Variants in WDPCP observed in about 807,000 individuals in gnomAD.
WDPCP encodes the protein WD repeat containing planar cell polarity effector.
A neutral mutation model predicts 93.1 loss-of-function variants in WDPCP; 71 were observed. The observed-to-expected ratio is 0.76, with a 90% confidence interval of 0.63 to 0.93. WDPCP has a LOEUF of 0.93. Ranked by LOEUF, WDPCP falls within the 40% of genes least tolerant of loss-of-function variation. WDPCP has a pLI of 0.00. For missense variants in WDPCP, 844 were observed against 887.4 expected (o/e 0.95, Z 0.62); for synonymous variants, 315 against 315.0 (o/e 1.00, Z 0.00).
intron 1 of WDPCP, among the ~76,000 whole-genome samples, chr2:63,550,119 A>G (rs1182331656): frequency 6.6e-6 from 1 of 151,434 alleles, no homozygotes; most frequent in Non-Finnish European, 1.5e-5. Context: ...GGCTTCTCCT[A>G]TGTTCTCATG....
At chr2:63,128,178 A>T (rs1670049775) in intron 17 of WDPCP, among the ~76,000 whole-genome samples, 1 of 152,142 alleles carries the variant, frequency 6.6e-6, no homozygotes, top group African/African-American at 2.4e-5. Flanking sequence ...TCTTTCAGAC[A>T]GTATGCCAAT....
intron 1 of WDPCP, among the ~76,000 whole-genome samples, chr2:63,534,435 G>C (rs1277056962): frequency 6.6e-6 from 1 of 151,970 alleles, no homozygotes; most frequent in Non-Finnish European, 1.5e-5. Flanking sequence ...CAATATCCCT[G>C]ATGAACATCA....
At chr2:63,666,326 A>G (rs763449161) in intron 2 of WDPCP, among the ~76,000 whole-genome samples, 2 of 152,108 alleles carry the variant, frequency 1.3e-5, no homozygotes, top group Non-Finnish European at 2.9e-5. Flanking sequence ...AGCAGGAAGG[A>G]GTTAGGATTT....
At chr2:63,784,249 A>G (rs1670437942) in intron 2 of WDPCP, among the ~76,000 whole-genome samples, 1 of 152,140 alleles carries the variant, frequency 6.6e-6, no homozygotes, top group Non-Finnish European at 1.5e-5. Flanking sequence ...TATCATCAAG[A>G]AGGTCCCAGG....
chr2:63,398,603 A>G (rs1169643512), intron 10 of WDPCP, among the ~76,000 whole-genome samples: 1 of 152,198 alleles, frequency 6.6e-6, no homozygotes, highest in Non-Finnish European at 1.5e-5. Flanking sequence ...CTAATCTAAG[A>G]GTCTAACTCC....
chr2:63,160,209 C>A (rs538140492), intron 15 of WDPCP, among the ~76,000 whole-genome samples: 1 of 152,244 alleles, frequency 6.6e-6, no homozygotes, highest in East Asian at 1.9e-4. Context: ...CTCCATCTTA[C>A]CAGGAACCAG....
intron 1 of WDPCP, among the ~76,000 whole-genome samples, chr2:63,576,878 T>G (rs542271116): frequency 6.6e-5 from 10 of 152,338 alleles, no homozygotes; most frequent in South Asian, 4.1e-4. Flanking sequence ...ATAAATGATA[T>G]ATAAATATCC....
intron 2 of WDPCP, among the ~76,000 whole-genome samples, chr2:63,787,070 C>T (rs181124712): frequency 6.6e-6 from 1 of 152,046 alleles, no homozygotes; most frequent in African/African-American, 2.4e-5. Context: ...AGTAAATCTG[C>T]CTTGACATTT....
At chr2:63,376,938 CACA>C (rs1691898847) in intron 12 of WDPCP, among the ~76,000 whole-genome samples, 3 of 151,890 alleles carry the variant, frequency 2.0e-5, no homozygotes, top group Admixed American at 2.0e-4. Context: ...TGAATATCTA[CACA>C]ACAACACAAA....
At chr2:63,534,365 C>T (rs1327196274) in intron 1 of WDPCP, among the ~76,000 whole-genome samples, 1 of 152,166 alleles carries the variant, frequency 6.6e-6, no homozygotes, top group Non-Finnish European at 1.5e-5. Context: ...TTTTATGAGG[C>T]CAGCATCAAC....
intron 14 of WDPCP, among the ~76,000 whole-genome samples, chr2:63,231,882 A>C (rs1678922894): frequency 1.3e-5 from 2 of 152,146 alleles, no homozygotes; most frequent in African/African-American, 4.8e-5. Context: ...AGATAATCCT[A>C]AGCCAAAGGA....
chr2:63,626,329 T>C (rs1235294977), intron 3 of WDPCP, among the ~76,000 whole-genome samples: 1 of 152,122 alleles, frequency 6.6e-6, no homozygotes, highest in Non-Finnish European at 1.5e-5. Context: ...AAAGCTAAAA[T>C]TGACAAATTG....
chr2:63,440,150 TAGAA>T lies in WDPCP; in HGVS notation c.385-283_385-280del, dbSNP rs1237637895. The T allele has an allele frequency of 1.1e-5, 4 of 353,618 alleles. No individual in the cohort carries two copies. In the East Asian group the frequency reaches 1.6e-4, roughly 14 times the overall value. 21.9% of individuals were successfully genotyped at this position (353,618 alleles called of 1,614,324 possible). A position where few individuals can be genotyped will look rare whatever the true frequency, so the allele number is the denominator to read the frequency against. On this transcript the variant is annotated intron_variant, in intron 6 of 17. Transcript: ENST00000272321. ...TTAGAAATCTAATCTTCTAAATACT[TAGAA>T]AGCACATATGCAGACATAACTGCTT...
chr2:63,209,403 T>C (rs1676592980), intron 14 of WDPCP, among the ~76,000 whole-genome samples: 1 of 152,202 alleles, frequency 6.6e-6, no homozygotes, highest in South Asian at 2.1e-4. Flanking sequence ...GAGAGACCTA[T>C]AGTTGCTACT....
intron 13 of WDPCP, among the ~76,000 whole-genome samples, chr2:63,270,363 GGAGTTCTATTTTT>G (rs1012156678): frequency 1.3e-5 from 2 of 152,036 alleles, no homozygotes; most frequent in African/African-American, 4.8e-5. Context: ...CTTCCTTTCA[GGAGTTCTATTTTT>G]GATTACTGTT....
chr2:63,160,568 G>A (rs1399164818), intron 15 of WDPCP, among the ~76,000 whole-genome samples: 1 of 152,146 alleles, frequency 6.6e-6, no homozygotes, highest in Non-Finnish European at 1.5e-5. Context: ...ACTGGGGGTT[G>A]CTGGGTTAAT....
At chr2:63,361,894 G>A (rs940721642) in intron 12 of WDPCP, among the ~76,000 whole-genome samples, 2 of 152,230 alleles carry the variant, frequency 1.3e-5, no homozygotes, top group African/African-American at 4.8e-5. Context: ...AAAATTTGGG[G>A]TTGAGGAGGA....
chr2:63,230,297 G>A (rs941621676), intron 14 of WDPCP, among the ~76,000 whole-genome samples: 2 of 151,994 alleles, frequency 1.3e-5, no homozygotes, highest in Non-Finnish European at 2.9e-5. Context: ...AGTATTCCAT[G>A]GTGTATATGT....
chr2:63,814,405 G>A (rs528523102), intron 1 of WDPCP, among the ~76,000 whole-genome samples: 30 of 151,114 alleles, frequency 2.0e-4, no homozygotes, highest in African/African-American at 6.8e-4. Flanking sequence ...TCCTACATTT[G>A]AAAATTTTGG....
Sources: gnomAD v4.1 joint callset for allele counts (sites outside exome capture counted in the v4.1 genomes callset) on GRCh38, gnomAD v4.1.1 for gene constraint, MANE v1.5 for transcripts, NCBI Gene and HGNC (gene_info 2026-07-23, HGNC 2026-07-21) for gene names.